The following CDK14 variants were observed in gnomAD, a reference collection of about 807,000 sequenced individuals.
CDK14 encodes cyclin dependent kinase 14.
CDK14 carries 34 observed loss-of-function variants against 60.7 expected under a neutral mutation model. The observed-to-expected ratio is 0.56, with a 90% CI of 0.43 to 0.75. The LOEUF is 0.75. Ranked by LOEUF, CDK14 falls within the 30% of genes least tolerant of loss-of-function variation. The probability of loss-of-function intolerance (pLI) is 0.00; values close to 1 mark genes in which losing one functional copy is unlikely to be tolerated. For synonymous variants in CDK14, 197 were observed against 203.7 expected (o/e 0.97, Z 0.28); for missense variants, 482 against 564.1 (o/e 0.85, Z 1.47).
intron 12 of CDK14, among the ~76,000 whole-genome samples, chr7:91,089,743 AT>A (rs1798748541): frequency 6.6e-6 from 1 of 152,050 alleles, no homozygotes; most frequent in Non-Finnish European, 1.5e-5. Context: ...GATGATGAAT[AT>A]TTTTTATGAA....
At chr7:91,113,032 C>T (rs1799514865) in intron 13 of CDK14, among the ~76,000 whole-genome samples, 1 of 151,840 alleles carries the variant, frequency 6.6e-6, no homozygotes, top group Non-Finnish European at 1.5e-5. Context: ...TGTGTGTGTC[C>T]AAAAAAATGA....
At chr7:90,854,219 A>G (rs1041366440) in intron 5 of CDK14, among the ~76,000 whole-genome samples, 1 of 152,224 alleles carries the variant, frequency 6.6e-6, no homozygotes, top group Admixed American at 6.5e-5. Flanking sequence ...ATTTAAATCT[A>G]TTCAGACAGC....
At chr7:90,844,966 A>G (rs1256055470) in intron 5 of CDK14, among the ~76,000 whole-genome samples, 2 of 152,186 alleles carry the variant, frequency 1.3e-5, no homozygotes, top group African/African-American at 4.8e-5. Flanking sequence ...ACAAGATGGC[A>G]GCTTGTGGCA....
intron 5 of CDK14, among the ~76,000 whole-genome samples, chr7:90,817,010 C>G (rs1295606136): frequency 6.6e-6 from 1 of 152,168 alleles, no homozygotes; most frequent in Non-Finnish European, 1.5e-5. Flanking sequence ...AGTTAAAATA[C>G]AGCTCTCACC....
At chr7:91,110,691 T>C in intron 12 of CDK14, among the ~76,000 whole-genome samples, 1 of 152,212 alleles carries the variant, frequency 6.6e-6, no homozygotes. Context: ...CCTTTTTTTC[T>C]TTTAATAATA....
intron 5 of CDK14, among the ~76,000 whole-genome samples, chr7:90,845,196 T>C (rs947276946): frequency 1.3e-5 from 2 of 152,136 alleles, no homozygotes; most frequent in African/African-American, 4.8e-5. Flanking sequence ...TAAACATTTA[T>C]TGAATGAATG....
intron 8 of CDK14, among the ~76,000 whole-genome samples, chr7:90,927,936 T>C (rs1793469937): frequency 6.6e-6 from 1 of 152,218 alleles, no homozygotes; most frequent in Admixed American, 6.5e-5. Flanking sequence ...TTCTCTAAAC[T>C]TCTCTTCTTG....
At chr7:90,917,381 C>T (rs539919776) in intron 7 of CDK14, among the ~76,000 whole-genome samples, 21 of 152,126 alleles carry the variant, frequency 1.4e-4, no homozygotes, top group East Asian at 3.9e-4. Context: ...GAATCACTCT[C>T]GGGTTGATAT....
intron 6 of CDK14, among the ~76,000 whole-genome samples, chr7:90,894,093 A>G (rs1166545624): frequency 2.6e-5 from 4 of 152,196 alleles, no homozygotes; most frequent in African/African-American, 9.6e-5. Flanking sequence ...TAAACACGCT[A>G]CAGAAAATCA....
chr7:90,807,241 C>T (rs774993402), intron 5 of CDK14, among the ~76,000 whole-genome samples: 2 of 152,194 alleles, frequency 1.3e-5, no homozygotes, highest in Non-Finnish European at 2.9e-5. Flanking sequence ...TGACACCTCA[C>T]ATGGCCAGTT....
intron 14 of CDK14, among the ~76,000 whole-genome samples, chr7:91,195,954 A>G (rs1201008756): frequency 6.6e-6 from 1 of 152,166 alleles, no homozygotes; most frequent in Non-Finnish European, 1.5e-5. Flanking sequence ...TGTCTGTCCC[A>G]TTGGCCAGTC....
At chr7:90,654,544 TA>T (rs1478732023) in intron 2 of CDK14, among the ~76,000 whole-genome samples, 2 of 152,202 alleles carry the variant, frequency 1.3e-5, no homozygotes, top group Non-Finnish European at 2.9e-5. Flanking sequence ...ATCATTTCAC[TA>T]AAAAATAAGT....
intron 14 of CDK14, among the ~76,000 whole-genome samples, chr7:91,197,892 A>G (rs1802595993): frequency 6.6e-6 from 1 of 152,250 alleles, no homozygotes; most frequent in Non-Finnish European, 1.5e-5. Context: ...AGGGCTTTAC[A>G]TGTAGTACAC....
At chr7:90,829,203 G>A (rs1320412590) in intron 5 of CDK14, among the ~76,000 whole-genome samples, 1 of 152,068 alleles carries the variant, frequency 6.6e-6, no homozygotes, top group African/African-American at 2.4e-5. Context: ...GGATTTGGGT[G>A]GGGACACAGC....
At chr7:91,137,820 G>C (rs1800332945) in intron 14 of CDK14, among the ~76,000 whole-genome samples, 1 of 152,036 alleles carries the variant, frequency 6.6e-6, no homozygotes, top group Non-Finnish European at 1.5e-5. Context: ...TTAGATTTCA[G>C]TTTCATGTAT....
intron 2 of CDK14, among the ~76,000 whole-genome samples, chr7:90,695,560 C>T (rs1801638562): frequency 6.6e-6 from 1 of 152,046 alleles, no homozygotes; most frequent in Non-Finnish European, 1.5e-5. Flanking sequence ...GTGGGGATGG[C>T]AGGCAGATAA....
chr7:91,101,222 G>T (rs772066980), intron 12 of CDK14, among the ~76,000 whole-genome samples: 1 of 152,192 alleles, frequency 6.6e-6, no homozygotes, highest in Non-Finnish European at 1.5e-5. Flanking sequence ...GTAATGTACA[G>T]CTAGCAATAA....
chr7:91,113,572 C>G (rs1351488488), intron 13 of CDK14, among the ~76,000 whole-genome samples: 5 of 151,964 alleles, frequency 3.3e-5, no homozygotes, highest in African/African-American at 1.2e-4. Context: ...AGAGATATTT[C>G]TTCTATACTC....
intron 8 of CDK14, among the ~76,000 whole-genome samples, chr7:90,948,356 T>C (rs1452476388): frequency 6.6e-6 from 1 of 152,260 alleles, no homozygotes; most frequent in African/African-American, 2.4e-5. Context: ...TTTTGCATTC[T>C]CTGCTAATGC....
Sources: allele counts gnomAD v4.1 joint callset (sites outside exome capture counted in the v4.1 genomes callset), GRCh38; gene constraint gnomAD v4.1.1; transcripts MANE v1.5; gene names NCBI Gene and HGNC (gene_info 2026-07-23, HGNC 2026-07-21).